Variants in CFAP20DC observed in about 807,000 individuals in gnomAD.
CFAP20DC encodes protein CFAP20DC.
In CFAP20DC, 84 loss-of-function variants were observed where a neutral mutation model predicts 101.7. The observed-to-expected ratio is 0.83, with a 90% CI of 0.69 to 0.99. The LOEUF (loss-of-function observed/expected upper bound fraction) is 0.99. CFAP20DC is among the 50% of genes least tolerant of loss of function. The probability of loss-of-function intolerance (pLI) is 0.00; values close to 1 mark genes in which losing one functional copy is unlikely to be tolerated. For missense variants in CFAP20DC, 1,007 were observed against 970.3 expected (o/e 1.04, Z -0.50); for synonymous variants, 359 against 351.2 (o/e 1.02, Z -0.25).
intron 3 of CFAP20DC, among the ~76,000 whole-genome samples, chr3:58,719,774 T>C (rs2067445371): frequency 6.6e-6 from 1 of 152,232 alleles, no homozygotes; most frequent in African/African-American, 2.4e-5. Context: ...GGTAAGAGGC[T>C]GAAAGCACAG....
intron 5 of CFAP20DC, among the ~76,000 whole-genome samples, chr3:58,935,363 G>A (rs970255899): frequency 2.0e-5 from 3 of 151,974 alleles, no homozygotes; most frequent in African/African-American, 7.3e-5. Flanking sequence ...GTAATTTATA[G>A]ATTCAATGCC....
intron 4 of CFAP20DC, among the ~76,000 whole-genome samples, chr3:59,030,380 C>T (rs906187472): frequency 6.6e-6 from 1 of 152,186 alleles, no homozygotes; most frequent in African/African-American, 2.4e-5. Context: ...CCTAAAACAG[C>T]ACTATATTTT....
intron 4 of CFAP20DC, among the ~76,000 whole-genome samples, chr3:59,011,678 T>C (rs1045668559): frequency 6.6e-6 from 1 of 151,942 alleles, no homozygotes; most frequent in African/African-American, 2.4e-5. Flanking sequence ...AAAGATAAAA[T>C]TGACAGACCA....
At chr3:58,959,907 A>G (rs2090984947) in intron 4 of CFAP20DC, among the ~76,000 whole-genome samples, 1 of 152,166 alleles carries the variant, frequency 6.6e-6, no homozygotes, top group Admixed American at 6.5e-5. Flanking sequence ...TAGATGTTTA[A>G]TTTCTCTCAG....
At position 58,866,644 on chromosome 3, in the gene CFAP20DC, T is replaced by C. The variant is rs769554386; in HGVS notation, c.1180A>G (p.Ile394Val). Residue 394 changes from isoleucine (I) to valine (V), a missense_variant, in exon 11 of 17, where the codon ATC (isoleucine) becomes GTC (valine). Physicochemically the swap from Ile to Val is conservative, Grantham distance 29. Coordinates refer to ENST00000482387, the MANE Select transcript of CFAP20DC (RefSeq NM_001394063.1). ...CCTTGTTGGGACACAGTGGTGAGGA[T>C]AGTTGATGCTTTATCTTCAATCCTA... The part of the protein sequence containing the change: ...NNRIEDKAST[I>V]LTTVSQQGAE... The C allele has an allele frequency of 3.2e-5, 51 of 1,601,752 alleles. No homozygotes were observed. Among genetic ancestry groups the C allele is most frequent in the Admixed American group, 8.3e-5 (5 of 59,900 alleles).
At chr3:58,978,592 C>T (rs1445555099) in intron 4 of CFAP20DC, among the ~76,000 whole-genome samples, 1 of 151,716 alleles carries the variant, frequency 6.6e-6, no homozygotes, top group Non-Finnish European at 1.5e-5. Context: ...GTCTGTAATC[C>T]CAGCTGCTCT....
downstream of CFAP20DC, among the ~76,000 whole-genome samples, chr3:58,740,001 T>C (rs1357179461): frequency 6.6e-6 from 1 of 152,168 alleles, no homozygotes; most frequent in Non-Finnish European, 1.5e-5. The surrounding 1 kb of genome is among the most constrained non-coding windows in gnomAD (Gnocchi z 4.6). Context: ...AAGAGGGTCC[T>C]GGTGGCCCCT....
chr3:59,019,815 G>C (rs2093766999), intron 4 of CFAP20DC, among the ~76,000 whole-genome samples: 1 of 151,978 alleles, frequency 6.6e-6, no homozygotes, highest in Non-Finnish European at 1.5e-5. Flanking sequence ...GATAGCTAAG[G>C]GTCTGCAAGA....
chr3:58,730,519 T>G (rs1341701154), intron 3 of CFAP20DC, among the ~76,000 whole-genome samples: 1 of 152,172 alleles, frequency 6.6e-6, no homozygotes, highest in Non-Finnish European at 1.5e-5. Flanking sequence ...CATCGCATTC[T>G]GAATATACTG....
At chr3:59,046,976 A>C (rs564473358) in intron 2 of CFAP20DC, among the ~76,000 whole-genome samples, 189 bp downstream of exon 2, 145 of 152,294 alleles carry the variant, frequency 9.5e-4, no homozygotes, top group Non-Finnish European at 1.6e-3. Context: ...AAGGGTTATG[A>C]CCTGTGTGCC....
intron 12 of CFAP20DC, among the ~76,000 whole-genome samples, chr3:58,850,742 G>A (rs564411746): frequency 2.0e-4 from 31 of 152,232 alleles, no homozygotes; most frequent in African/African-American, 5.5e-4. Flanking sequence ...CTGACAATGC[G>A]TATCTTGACA....
At chr3:58,821,249 A>C (rs959126708) in intron 14 of CFAP20DC, among the ~76,000 whole-genome samples, 2 of 152,224 alleles carry the variant, frequency 1.3e-5, no homozygotes, top group South Asian at 2.1e-4. Context: ...GACTTCATGT[A>C]CAAAACAACA....
At chr3:59,025,213 C>T (rs1183081834) in intron 4 of CFAP20DC, among the ~76,000 whole-genome samples, 1 of 152,144 alleles carries the variant, frequency 6.6e-6, no homozygotes, top group Non-Finnish European at 1.5e-5. Flanking sequence ...AACTAGCATC[C>T]ATACCAAAAC....
intron 5 of CFAP20DC, among the ~76,000 whole-genome samples, chr3:58,933,109 AG>A (rs1326050084): frequency 2.0e-5 from 3 of 152,150 alleles, no homozygotes; most frequent in Non-Finnish European, 2.9e-5. Flanking sequence ...AAGAAAAGGC[AG>A]GGGTTGCAAT....
chr3:59,022,177 T>C (rs1014313689), intron 4 of CFAP20DC, among the ~76,000 whole-genome samples: 1 of 152,096 alleles, frequency 6.6e-6, no homozygotes, highest in African/African-American at 2.4e-5. Context: ...ATCATGATTA[T>C]GAAATCATAA....
intron 14 of CFAP20DC, among the ~76,000 whole-genome samples, chr3:58,814,618 AG>A (rs2074965925): frequency 6.6e-6 from 1 of 151,292 alleles, no homozygotes; most frequent in Non-Finnish European, 1.5e-5. Context: ...CCATTGTCTC[AG>A]CCCAAAATCT....
intron 4 of CFAP20DC, among the ~76,000 whole-genome samples, chr3:59,035,727 C>T (rs770630961): frequency 5.9e-5 from 9 of 152,064 alleles, no homozygotes; most frequent in Non-Finnish European, 1.0e-4. Flanking sequence ...CAAAGAAAGC[C>T]CAGAACCAGA....
At chr3:58,837,534 C>T (rs1003411730) in intron 13 of CFAP20DC, among the ~76,000 whole-genome samples, 2 of 152,090 alleles carry the variant, frequency 1.3e-5, no homozygotes, top group African/African-American at 4.8e-5. Flanking sequence ...AAAATGGTTG[C>T]ATGGGTGTGT....
At chr3:58,906,117 G>C (rs761699324) in intron 6 of CFAP20DC, among the ~76,000 whole-genome samples, 6 of 152,150 alleles carry the variant, frequency 3.9e-5, no homozygotes, top group Non-Finnish European at 8.8e-5. Context: ...ATCTCACAGA[G>C]TTGTTATGAA....
Sources: gnomAD v4.1 joint callset for allele counts (sites outside exome capture counted in the v4.1 genomes callset) on GRCh38, gnomAD v4.1.1 for gene constraint, Gnocchi (gnomAD v3.1) non-coding constraint, MANE v1.5 for transcripts, NCBI Gene and HGNC (gene_info 2026-07-23, HGNC 2026-07-21) for gene names.